Variants in SYNM observed in about 807,000 individuals in gnomAD.
SYNM encodes desmuslin.
A neutral mutation model predicts 104.0 loss-of-function variants in SYNM; 95 were observed. The observed-to-expected ratio is 0.91, with a 90% confidence interval of 0.77 to 1.08. SYNM has a LOEUF of 1.08. SYNM is among the 50% of genes least tolerant of loss of function. SYNM has a pLI of 0.00. For synonymous variants in SYNM, 918 were observed against 869.0 expected, an observed-to-expected ratio of 1.06 and a Z score of -0.99; for missense variants, 2,150 against 2,052.2, an observed-to-expected ratio of 1.05 and a Z score of -0.92.
rs1555482738 is a variant in SYNM at position 99,105,972 on chromosome 15, T to A, written c.773T>A (p.Met258Lys). ...RARLEDALLR[M>K]REEYGIQAEE... ...CGGCTGGAGGACGCGCTGCTGCGGA[T>A]GCGCGAGGAGTACGGGATACAGGCC... The change falls in exon 1 of 4, where the codon ATG becomes AAG. Residue 258 changes from methionine to lysine, a missense_variant. Transcript: ENST00000336292. The A allele has an allele frequency of 6.6e-7, 1 of 1,514,158 alleles. No individual in the cohort carries two copies. Among genetic ancestry groups the A allele is most frequent in the South Asian group, 1.2e-5 (1 of 80,152 alleles). The allele number at this position is 1,514,158 out of a possible 1,614,324, so 93.8% of individuals were successfully genotyped here.
downstream of SYNM, among the ~76,000 whole-genome samples, chr15:99,136,098 C>T (rs534318275): frequency 1.1e-4 from 16 of 152,310 alleles, no homozygotes; most frequent in African/African-American, 3.6e-4. Flanking sequence ...GATATCTTTA[C>T]CCGTTTGTAA....
In SYNM at chr15:99,132,051, G is replaced by A; in HGVS notation, c.3691G>A (p.Glu1231Lys). Residue 1231 changes from glutamate (E) to lysine (K), a missense_variant, in exon 4 of 4, where the codon GAA (glutamate) becomes AAA (lysine). Physicochemically the swap from Glu to Lys is moderately conservative, Grantham distance 56. Transcript: ENST00000336292. The part of the protein sequence containing the change: ...STFGCRQFHA[E>K]KEIIFQGPIS... ...ATTTGGCTGCAGACAATTTCATGCT[G>A]AAAAGGAGATTATTTTTCAGGGCCC... 1 of 1,613,956 alleles carries A rather than the reference G, an allele frequency of 6.2e-7. No individual in the cohort carries two copies. Among genetic ancestry groups the A allele is most frequent in the Non-Finnish European group, 8.5e-7 (1 of 1,179,900 alleles).
downstream of SYNM, chr15:99,139,198 T>G: frequency 7.7e-7 from 1 of 1,292,008 alleles, no homozygotes. Flanking sequence ...ATGCAAGTTA[T>G]GGGAAGTCAG....
intron 1 of SYNM, among the ~76,000 whole-genome samples, chr15:99,112,275 G>A (rs1402287701): frequency 6.6e-6 from 1 of 152,194 alleles, no homozygotes; most frequent in Admixed American, 6.5e-5. Flanking sequence ...AGTTAATGAT[G>A]TTCAGAAATA....
intron 1 of SYNM, 124 bp downstream of exon 1, chr15:99,106,133 G>A: frequency 2.8e-6 from 3 of 1,074,370 alleles, no homozygotes; most frequent in Non-Finnish European, 3.7e-6. Context: ...GGTAGGGCCC[G>A]CCCAGAGGGT....
At position 99,105,716 on chromosome 15, in the gene SYNM, C is replaced by G. The variant is rs782077919; in HGVS notation, c.517C>G (p.Pro173Ala). 2.0e-6 allele frequency: 3 copies of G among 1,497,902 alleles called. No homozygotes were observed. The highest frequency in any genetic ancestry group is 1.8e-6 in the Non-Finnish European group (2 of 1,128,078). 92.8% of individuals were successfully genotyped at this position (1,497,902 alleles called of 1,614,324 possible). The change falls in exon 1 of 4, where the codon CCC (proline) becomes GCC (alanine). Residue 173 changes from proline (P) to alanine (A), a missense_variant. Coordinates refer to ENST00000336292, the MANE Select transcript of SYNM (RefSeq NM_145728.3). The part of the protein sequence containing the change: ...TMHFRARATG[P>A]AAPPPRLREV... Reference sequence around the variant, plus strand: ...GCATTTCCGCGCCCGCGCCACCGGCCCCGCCGCGCCGCCGCCACGCCTGCG... The same window carrying G: ...GCATTTCCGCGCCCGCGCCACCGGCGCCGCCGCGCCGCCGCCACGCCTGCG...
intron 2 of SYNM, among the ~76,000 whole-genome samples, chr15:99,122,119 A>G (rs2067406958): frequency 6.6e-6 from 1 of 152,266 alleles, no homozygotes; most frequent in African/African-American, 2.4e-5. Context: ...TCCTTTTAAA[A>G]GGTTAGGTTA....
At chr15:99,139,019 A>T, downstream of SYNM, 1 of 443,224 alleles carries the variant, frequency 2.3e-6, no homozygotes, top group Non-Finnish European at 4.2e-6. Context: ...GCAGGAGGCC[A>T]CAGGGATTCC....
rs1567286296 is a variant in SYNM at position 99,133,070 on chromosome 15, ATTTTG to A, written c.*17_*21del. 7.4e-6 allele frequency: 12 copies of A among 1,611,038 alleles called. No homozygotes were observed. The highest frequency in any genetic ancestry group is 1.0e-5 in the Non-Finnish European group (12 of 1,179,782). ...GGCATTGGTTTTAATAAGCAGAAAC[ATTTTG>A]TTTTAATGGCAGCCTGTTGGCGACG... On this transcript the variant is annotated 3_prime_UTR_variant, in exon 4 of 4. Transcript: ENST00000336292.
chr15:99,137,760 C>G (rs2067707986), downstream of SYNM: 2 of 512,612 alleles, frequency 3.9e-6, no homozygotes. Context: ...GGTAAAAATT[C>G]TTGTTGGCAA....
chr15:99,118,061 C>T lies in SYNM; in HGVS notation c.935+4346C>T, dbSNP rs2067366067. ...CCAGGAGCTTGCCTGACAGGCCCTG[C>T]CCCGCTGCAGACTCCCAGCCCTGCT... On this transcript the variant is annotated intron_variant, in intron 2 of 3. Coordinates refer to ENST00000336292, the MANE Select transcript of SYNM (RefSeq NM_145728.3). 3.3e-5 allele frequency among the ~76,000 whole-genome samples: 5 copies of T among 152,330 alleles called. No homozygotes were observed. The South Asian group carries it at 8.3e-4, about 25-fold the overall frequency.
intron 2 of SYNM, among the ~76,000 whole-genome samples, chr15:99,118,894 G>C (rs8040268): frequency 6.6e-6 from 1 of 152,034 alleles, no homozygotes; most frequent in African/African-American, 2.4e-5. Flanking sequence ...CCTGCATTGC[G>C]GGTGGCAGTG....
intron 1 of SYNM, among the ~76,000 whole-genome samples, chr15:99,108,066 C>G (rs893263796): frequency 6.6e-6 from 1 of 151,898 alleles, no homozygotes; most frequent in Non-Finnish European, 1.5e-5. Context: ...CATCCGCTTC[C>G]TGGGCTCAAG....
At chr15:99,112,962 C>T (rs962667169) in intron 1 of SYNM, among the ~76,000 whole-genome samples, 2 of 152,200 alleles carry the variant, frequency 1.3e-5, no homozygotes, top group Non-Finnish European at 1.5e-5. Context: ...CCGCCCGCTT[C>T]GGCCTCCCAA....
intron 1 of SYNM, among the ~76,000 whole-genome samples, chr15:99,107,205 T>G (rs1261659546): frequency 1.3e-5 from 2 of 152,234 alleles, no homozygotes; most frequent in East Asian, 1.9e-4. Context: ...CAAAGTGTTC[T>G]CTTGGGGCTT....
chr15:99,139,544 T>G, downstream of SYNM: 1 of 1,548,178 alleles, frequency 6.5e-7, no homozygotes, highest in Non-Finnish European at 8.7e-7. Flanking sequence ...TGTCTCCTAG[T>G]GACTGACCTT....
chr15:99,115,318 C>A (rs1049612243), intron 2 of SYNM, among the ~76,000 whole-genome samples: 4 of 152,028 alleles, frequency 2.6e-5, no homozygotes, highest in African/African-American at 9.7e-5. Context: ...AGAAGGGGAC[C>A]AACTCCCCTG....
chr15:99,139,547 C>A, downstream of SYNM: 1 of 1,547,620 alleles, frequency 6.5e-7, no homozygotes, highest in Non-Finnish European at 8.7e-7. Flanking sequence ...CTCCTAGTGA[C>A]TGACCTTTGG....
downstream of SYNM, chr15:99,139,507 T>C: frequency 6.4e-7 from 1 of 1,561,410 alleles, no homozygotes; most frequent in Non-Finnish European, 8.7e-7. Context: ...TAGGCCCTGC[T>C]GTGATGGAAT....
Sources: gnomAD v4.1 joint callset for allele counts (sites outside exome capture counted in the v4.1 genomes callset) on GRCh38, gnomAD v4.1.1 for gene constraint, MANE v1.5 for transcripts, NCBI Gene and HGNC (gene_info 2026-07-23, HGNC 2026-07-21) for gene names.